CTBS: variants seen among roughly 807,000 people sequenced by gnomAD.
CTBS encodes di-N-acetylchitobiase.
A neutral mutation model predicts 44.3 loss-of-function variants in CTBS; 35 were observed. That is an observed-to-expected ratio of 0.79 (90% confidence interval 0.60 to 1.05). CTBS has a LOEUF of 1.05. CTBS is among the 50% of genes least tolerant of loss of function. CTBS has a pLI of 0.00. For synonymous variants in CTBS, 143 were observed against 168.0 expected (o/e 0.85, Z 1.15); for missense variants, 458 against 475.3 (o/e 0.96, Z 0.34).
At chr1:84,556,332 C>T (rs1684427861) in intron 6 of CTBS, among the ~76,000 whole-genome samples, 1 of 152,136 alleles carries the variant, frequency 6.6e-6, no homozygotes, top group Non-Finnish European at 1.5e-5. Context: ...TTTTTATATA[C>T]ATCTAGGAAA....
chr1:84,551,811 T>C lies in CTBS; in HGVS notation c.*3188A>G, dbSNP rs1684281153. The C allele has an allele frequency of 1.3e-5, 2 of 152,192 alleles. No homozygotes were observed. The highest frequency in any genetic ancestry group is 4.1e-4 in the South Asian group (2 of 4,838). The allele number at this position is 152,192 out of a possible 1,614,324, so 9.4% of individuals were successfully genotyped here. The stretch of plus-strand genomic sequence containing the variant: ...TCAATATATGGAGATAAAGCCAATA[T>C]GTAAACTTGTACACTTAATAATTGG... On this transcript the variant is annotated 3_prime_UTR_variant, in exon 7 of 7. Coordinates refer to ENST00000370630, the MANE Select transcript of CTBS (RefSeq NM_004388.3).
At chr1:84,571,754 C>T (rs1464517834) in intron 1 of CTBS, among the ~76,000 whole-genome samples, 4 of 152,146 alleles carry the variant, frequency 2.6e-5, no homozygotes, top group Non-Finnish European at 5.9e-5. Context: ...TACAGGGGGC[C>T]ACGCCAGCAT....
At chr1:84,571,862 T>C (rs1647312897) in intron 1 of CTBS, among the ~76,000 whole-genome samples, 1 of 152,166 alleles carries the variant, frequency 6.6e-6, no homozygotes, top group Admixed American at 6.5e-5. Flanking sequence ...GGAAGAGATA[T>C]ACCTATGGAC....
In CTBS at chr1:84,563,310, T is replaced by C. The variant is rs774660684; in HGVS notation, c.904A>G (p.Ile302Val). The change falls in exon 6 of 7, where the codon ATT becomes GTT. Residue 302 changes from isoleucine to valine, a missense_variant. Physicochemically the swap from Ile to Val is conservative, Grantham distance 29. Coordinates refer to ENST00000370630, the MANE Select transcript of CTBS (RefSeq NM_004388.3). ...TCTTTATCCCATAGGTTTCCAGAAA[T>C]AGAACTATTTATTTGCTTCATGATC... ...KTIMKQINSS[I>V]SGNLWDKDQR... 6.9e-6 allele frequency: 11 copies of C among 1,593,524 alleles called. No homozygotes were observed. The highest frequency in any genetic ancestry group is 1.1e-5 in the South Asian group (1 of 88,412).
intron 1 of CTBS, 172 bp downstream of exon 1, chr1:84,574,067 G>A: frequency 6.9e-7 from 1 of 1,445,770 alleles, no homozygotes; most frequent in Non-Finnish European, 9.1e-7. Flanking sequence ...CAACTTCTCT[G>A]AGCCCGAGCT....
Position 84,552,107 on chromosome 1 carries a change from A to C in CTBS, c.*2892T>G, listed in dbSNP as rs1437512782. ...TAACCATAGTGCCTGATTGACACAT[A>C]ACAGACATTATTTAAGAAGTTTTAT... On this transcript the variant is annotated 3_prime_UTR_variant, in exon 7 of 7. Transcript: ENST00000370630. The C allele has an allele frequency of 6.6e-6, 1 of 152,170 alleles. No individual in the cohort carries two copies. The highest frequency in any genetic ancestry group is 1.5e-5 in the Non-Finnish European group (1 of 68,028). 9.4% of individuals were successfully genotyped at this position (152,170 alleles called of 1,614,324 possible).
intron 1 of CTBS, 122 bp downstream of exon 1, chr1:84,574,117 C>T: frequency 6.7e-7 from 1 of 1,503,592 alleles, no homozygotes; most frequent in Non-Finnish European, 8.9e-7. Context: ...ACAGGAAGGC[C>T]CTCATCGAGT....
chr1:84,567,172 A>T (rs949128831), intron 3 of CTBS, among the ~76,000 whole-genome samples: 4 of 152,174 alleles, frequency 2.6e-5, no homozygotes, highest in Non-Finnish European at 5.9e-5. Flanking sequence ...TCTTTTTAGG[A>T]CTTCTTCAAA....
rs1452244868 is a variant in CTBS at position 84,570,168 on chromosome 1, A to G, written c.317-29T>C. 2.6e-6 allele frequency: 4 copies of G among 1,565,080 alleles called. No individual in the cohort carries two copies. In the African/African-American group the frequency reaches 5.5e-5, roughly 21 times the overall value. ...TGGAAGAAGTATATATCTTTTGAAC[A>G]TGTATGCAAAAACATTTCATTATTT... is the stretch of plus-strand genomic sequence containing the variant. On this transcript the variant is annotated intron_variant, in intron 2 of 6. Transcript: ENST00000370630.
At chr1:84,557,577 T>C (rs1368969691) in intron 6 of CTBS, among the ~76,000 whole-genome samples, 1 of 141,244 alleles carries the variant, frequency 7.1e-6, no homozygotes, top group Non-Finnish European at 1.5e-5. Context: ...AGAAGGAGGC[T>C]GGGCGCGGTG....
intron 3 of CTBS, 135 bp from the exon 4 acceptor site, chr1:84,566,147 T>C (rs949946116): frequency 2.4e-6 from 1 of 421,288 alleles, no homozygotes; most frequent in Non-Finnish European, 4.0e-6. Context: ...GAATGTAGGG[T>C]TTGACACACA....
intron 6 of CTBS, among the ~76,000 whole-genome samples, chr1:84,555,414 T>G (rs999453595): frequency 6.6e-6 from 1 of 152,230 alleles, no homozygotes; most frequent in African/African-American, 2.4e-5. Context: ...AAATGGTCCC[T>G]GACTTACAAT....
In CTBS at chr1:84,550,525, G is replaced by A. The variant is rs1684238677; in HGVS notation, c.*4474C>T. 6.5e-7 allele frequency: 1 copy of A among 1,528,778 alleles called. No homozygotes were observed. The highest frequency in any genetic ancestry group is 8.8e-7 in the Non-Finnish European group (1 of 1,136,158). 94.7% of individuals were successfully genotyped at this position (1,528,778 alleles called of 1,614,324 possible). The stretch of plus-strand genomic sequence containing the variant: ...TGACAAAATGAAACTCATAGTAGAA[G>A]TTAAGGTAATTTACATTTTTCCTAA... On this transcript the variant is annotated 3_prime_UTR_variant, in exon 7 of 7. Transcript: ENST00000370630.
At chr1:84,567,381 C>T (rs145256435) in intron 3 of CTBS, among the ~76,000 whole-genome samples, 35 of 152,228 alleles carry the variant, frequency 2.3e-4, no homozygotes, top group African/African-American at 7.9e-4. Flanking sequence ...AATTTCCAAT[C>T]CATTTTGTAA....
Position 84,574,437 on chromosome 1 carries a change from G to A in CTBS, c.-22C>T, listed in dbSNP as rs566784316. The A allele has an allele frequency of 2.0e-6, 3 of 1,500,506 alleles. No homozygotes were observed. In the East Asian group the frequency reaches 7.7e-5, roughly 38 times the overall value. 92.9% of individuals were successfully genotyped at this position (1,500,506 alleles called of 1,614,324 possible). A position where few individuals can be genotyped will look rare whatever the true frequency, so the allele number is the denominator to read the frequency against. ...ACATAGCAGCAGGTCTAGCGGGCCGGAGTGGGTTCCTACCGCCTGGGTGGG... is the reference window on the plus strand; with the variant it reads ...ACATAGCAGCAGGTCTAGCGGGCCGAAGTGGGTTCCTACCGCCTGGGTGGG... On this transcript the variant is annotated 5_prime_UTR_variant, in exon 1 of 7. Transcript: ENST00000370630.
chr1:84,558,573 G>C (rs955963909), intron 6 of CTBS, among the ~76,000 whole-genome samples: 1 of 149,926 alleles, frequency 6.7e-6, no homozygotes, highest in Admixed American at 6.6e-5. Context: ...TTACAGGCGT[G>C]AGCCACCGCG....
Position 84,551,595 on chromosome 1 carries a change from A to G in CTBS, c.*3404T>C, listed in dbSNP as rs1684273705. 6.6e-6 allele frequency: 1 copy of G among 152,148 alleles called. No individual in the cohort carries two copies. Among genetic ancestry groups the G allele is most frequent in the Non-Finnish European group, 1.5e-5 (1 of 68,034 alleles). The allele number at this position is 152,148 out of a possible 1,614,324, so 9.4% of individuals were successfully genotyped here. On this transcript the variant is annotated 3_prime_UTR_variant, in exon 7 of 7. Transcript: ENST00000370630. ...TAGTTACATATGGCAACTGGCTTCT[A>G]CTATACTGGACAGTGCAGTTCTAGA... is the stretch of plus-strand genomic sequence containing the variant.
At position 84,553,244 on chromosome 1, in the gene CTBS, C is replaced by A; in HGVS notation, c.*1755G>T. ...AAAGCACAAGGTTTCTCTTTCTCCACTTTCCATGTGGGTATTACAAAATGT... is the reference window on the plus strand; with the variant it reads ...AAAGCACAAGGTTTCTCTTTCTCCAATTTCCATGTGGGTATTACAAAATGT... On this transcript the variant is annotated 3_prime_UTR_variant, in exon 7 of 7. Coordinates refer to ENST00000370630, the MANE Select transcript of CTBS (RefSeq NM_004388.3). 1 of 584,112 alleles carries A rather than the reference C, an allele frequency of 1.7e-6. No individual in the cohort carries two copies. Among genetic ancestry groups the A allele is most frequent in the Non-Finnish European group, 2.9e-6 (1 of 341,596 alleles). 36.2% of individuals were successfully genotyped at this position (584,112 alleles called of 1,614,324 possible).
In CTBS at chr1:84,550,307, C is replaced by A; in HGVS notation, c.*4692G>T. ...CTCCAAAGCAATTTAGTTTACTTTA[C>A]GGAATAGGTTATTTTCATGATTTAC... On this transcript the variant is annotated 3_prime_UTR_variant, in exon 7 of 7. Transcript: ENST00000370630. 2.2e-6 allele frequency: 1 copy of A among 456,066 alleles called. No individual in the cohort carries two copies. The highest frequency in any genetic ancestry group is 3.6e-5 in the East Asian group (1 of 27,654). The allele number at this position is 456,066 out of a possible 1,614,324, so 28.3% of individuals were successfully genotyped here. A position where few individuals can be genotyped will look rare whatever the true frequency, so the allele number is the denominator to read the frequency against.
Sources: allele counts gnomAD v4.1 joint callset (sites outside exome capture counted in the v4.1 genomes callset), GRCh38; gene constraint gnomAD v4.1.1; transcripts MANE v1.5; gene names NCBI Gene and HGNC (gene_info 2026-07-23, HGNC 2026-07-21).